ASXL3: variants seen among roughly 807,000 people sequenced by gnomAD.
ASXL3 encodes the protein putative Polycomb group protein ASXL3.
In ASXL3, 34 loss-of-function variants were observed where a neutral mutation model predicts 170.6. The observed-to-expected ratio is 0.20, with a 90% confidence interval of 0.15 to 0.27. ASXL3 has a LOEUF of 0.27. ASXL3 is among the 10% of genes least tolerant of loss of function. The pLI is 1.00. For synonymous variants in ASXL3, 1,002 were observed against 989.1 expected, an observed-to-expected ratio of 1.01 and a Z score of -0.24; for missense variants, 2,592 against 2,695.3, an observed-to-expected ratio of 0.96 and a Z score of 0.85.
At chr18:33,621,294 A>G (rs2065508704) in intron 2 of ASXL3, among the ~76,000 whole-genome samples, 1 of 152,172 alleles carries the variant, frequency 6.6e-6, no homozygotes, top group Admixed American at 6.6e-5. Flanking sequence ...AGAATGTACA[A>G]AAGTATATTC....
intron 8 of ASXL3, among the ~76,000 whole-genome samples, chr18:33,703,463 C>T (rs1405194972): frequency 1.3e-5 from 2 of 152,150 alleles, no homozygotes; most frequent in African/African-American, 2.4e-5. Flanking sequence ...GTCACTCATG[C>T]GGTGGAGCCA....
At chr18:33,637,102 C>G (rs2065779742) in intron 2 of ASXL3, among the ~76,000 whole-genome samples, 1 of 152,042 alleles carries the variant, frequency 6.6e-6, no homozygotes, top group East Asian at 1.9e-4. Flanking sequence ...CTGTATTTTT[C>G]ACAGAAAAAG....
chr18:33,651,605 G>A (rs778850076), intron 4 of ASXL3, among the ~76,000 whole-genome samples: 15 of 152,166 alleles, frequency 9.9e-5, no homozygotes, highest in East Asian at 1.9e-4. Flanking sequence ...CCCTTGATGC[G>A]TTGAAAGAAT....
intron 8 of ASXL3, among the ~76,000 whole-genome samples, chr18:33,685,288 G>A (rs1225262885): frequency 6.6e-6 from 1 of 152,186 alleles, no homozygotes; most frequent in Admixed American, 6.5e-5. Context: ...GAAAAATGCA[G>A]CCGTCATCAT....
chr18:33,700,315 G>T (rs1204633524), intron 8 of ASXL3, among the ~76,000 whole-genome samples: 1 of 152,020 alleles, frequency 6.6e-6, no homozygotes, highest in East Asian at 1.9e-4. Flanking sequence ...CACTGGTGGA[G>T]ATATTTTTTC....
At chr18:33,578,708 C>T in intron 1 of ASXL3, 23 bp downstream of exon 1, 1 of 1,219,814 alleles carries the variant, frequency 8.2e-7, no homozygotes. Context: ...CCCCACACGC[C>T]GCCCGCGCCT....
At chr18:33,723,165 C>T (rs1371066003) in intron 8 of ASXL3, among the ~76,000 whole-genome samples, 1 of 152,114 alleles carries the variant, frequency 6.6e-6, no homozygotes, top group East Asian at 1.9e-4. Context: ...TATTCTGCAG[C>T]ATATGGATCA....
At chr18:33,638,665 A>G (rs1176115885) in intron 2 of ASXL3, among the ~76,000 whole-genome samples, 1 of 152,188 alleles carries the variant, frequency 6.6e-6, no homozygotes, top group Non-Finnish European at 1.5e-5. Flanking sequence ...TCAGATTAGA[A>G]TTTAGATTTC....
rs768141720 is a variant in ASXL3 at position 33,745,768 on chromosome 18, G to A, written c.5920G>A (p.Glu1974Lys). ...NRHLEQKGLG[E>K]VSLSSAPHQL... ...GCATCTTGAACAGAAGGGATTGGGAGAGGTTAGTCTTTCCTCAGCACCTCA... is the reference window on the plus strand; with the variant it reads ...GCATCTTGAACAGAAGGGATTGGGAAAGGTTAGTCTTTCCTCAGCACCTCA... Residue 1974 changes from glutamate to lysine, a missense_variant, in exon 12 of 12, where the codon GAG becomes AAG. Around this residue, in one of 4 missense-constraint regions of ASXL3, gnomAD observed 2,246 missense variants for 2,219.6 expected, o/e 1.01. Transcript: ENST00000269197. 6 of 1,613,904 alleles carry A rather than the reference G, an allele frequency of 3.7e-6. No individual in the cohort carries two copies. The highest frequency in any genetic ancestry group is 4.2e-6 in the Non-Finnish European group (5 of 1,179,908).
At chr18:33,689,193 C>A (rs2066647663) in intron 8 of ASXL3, among the ~76,000 whole-genome samples, 1 of 152,072 alleles carries the variant, frequency 6.6e-6, no homozygotes, top group African/African-American at 2.4e-5. Context: ...GGGGTTTCGC[C>A]ATGTTGGCCA....
intron 2 of ASXL3, chr18:33,608,973 CTTT>C: frequency 6.3e-6 from 5 of 788,618 alleles, no homozygotes; most frequent in Non-Finnish European, 7.7e-6. Flanking sequence ...ATTTTGGAGA[CTTT>C]TTTTTTTTGC....
intron 1 of ASXL3, among the ~76,000 whole-genome samples, chr18:33,601,628 A>C (rs1171484970): frequency 6.6e-6 from 1 of 151,736 alleles, no homozygotes; most frequent in African/African-American, 2.4e-5. Context: ...TATAGATGTG[A>C]ATGAGGACCA....
At chr18:33,616,143 G>A (rs2065418670) in intron 2 of ASXL3, among the ~76,000 whole-genome samples, 1 of 152,100 alleles carries the variant, frequency 6.6e-6, no homozygotes, top group Admixed American at 6.6e-5. Context: ...GATAAGATTA[G>A]ATATTATTGT....
intron 7 of ASXL3, among the ~76,000 whole-genome samples, chr18:33,676,177 T>G (rs2066425999): frequency 7.9e-6 from 1 of 127,054 alleles, no homozygotes. Context: ...TGATCTGAGA[T>G]GGCACCACTG....
At chr18:33,674,026 T>A (rs2145261791) in intron 7 of ASXL3, among the ~76,000 whole-genome samples, 1 of 152,280 alleles carries the variant, frequency 6.6e-6, no homozygotes, top group East Asian at 1.9e-4. Context: ...TTGACATAAG[T>A]TATGTCTTTT....
chr18:33,677,739 A>T (rs576578233), intron 7 of ASXL3, among the ~76,000 whole-genome samples: 57 of 152,364 alleles, frequency 3.7e-4, no homozygotes, highest in Admixed American at 1.9e-3. Context: ...TAATGGACTC[A>T]GTGCTCCATG....
At chr18:33,597,800 A>C (rs894215256) in intron 1 of ASXL3, among the ~76,000 whole-genome samples, 1 of 149,026 alleles carries the variant, frequency 6.7e-6, no homozygotes, top group Non-Finnish European at 1.5e-5. Flanking sequence ...CTACAAAAAA[A>C]AAAAAACAAA....
intron 2 of ASXL3, among the ~76,000 whole-genome samples, chr18:33,611,870 T>G (rs139474559): frequency 2.0e-5 from 3 of 152,022 alleles, no homozygotes; most frequent in African/African-American, 4.8e-5. Flanking sequence ...AAGAGGACTA[T>G]GGGGTTTTTG....
At position 33,601,413 on chromosome 18, in the gene ASXL3, G is replaced by T. The variant is rs529150493; in HGVS notation, c.55-6181G>T. 5.9e-5 allele frequency among the ~76,000 whole-genome samples: 9 copies of T among 152,016 alleles called. No homozygotes were observed. The South Asian group carries it at 1.9e-3, about 32-fold the overall frequency. ...ATATTTTTGTGAGTAAGGAAGAGAAGAAATTATGACTCAGAGATTTCTGAT... is the reference window on the plus strand; with the variant it reads ...ATATTTTTGTGAGTAAGGAAGAGAATAAATTATGACTCAGAGATTTCTGAT... On this transcript the variant is annotated intron_variant, in intron 1 of 11. Coordinates refer to ENST00000269197, the MANE Select transcript of ASXL3 (RefSeq NM_030632.3).
Sources: allele counts gnomAD v4.1 joint callset (sites outside exome capture counted in the v4.1 genomes callset), GRCh38; gene constraint gnomAD v4.1.1; regional missense constraint gnomAD v4.1.1; transcripts MANE v1.5; gene names NCBI Gene and HGNC (gene_info 2026-07-23, HGNC 2026-07-21).